The following LBX2 variants were observed in gnomAD, a reference collection of about 807,000 sequenced individuals.
The protein encoded by LBX2 is ladybird homeobox 2.
In LBX2, 6 loss-of-function variants were observed where a neutral mutation model predicts 7.5. The ratio of observed to expected loss-of-function variants is 0.80; its 90% CI spans 0.44 to 1.59. The LOEUF is 1.59. LBX2 is among the 40% of genes most tolerant of loss of function. The pLI, the probability that LBX2 is intolerant of heterozygous loss-of-function variation, is 0.01. For missense variants in LBX2, 281 were observed against 282.0 expected (o/e 1.00, Z 0.03); for synonymous variants, 143 against 133.2 (o/e 1.07, Z -0.51).
Position 74,499,466 on chromosome 2 carries a change from C to T in LBX2, c.72G>A (p.Met24Ile), listed in dbSNP as rs1157062672. 2 of 1,550,522 alleles carry T rather than the reference C, an allele frequency of 1.3e-6. No homozygotes were observed. Among genetic ancestry groups the T allele is most frequent in the Admixed American group, 2.0e-5 (1 of 51,004 alleles). Residue 24 changes from methionine to isoleucine, a missense_variant, in exon 1 of 2, where the codon ATG becomes ATA. Coordinates refer to ENST00000377566, the MANE Select transcript of LBX2 (RefSeq NM_001282430.2). This position sits in a 1 kb window ranked among gnomAD's most constrained non-coding sequence, Gnocchi z 4.6. ...LSIADILAPR[M>I]VPRAPSAPQL... ...GCGGCGCAGAGGGTGCTCGGGGGAC[C>T]ATGCGCGGGGCTAGGATGTCTGCGA...
At position 74,499,354 on chromosome 2, in the gene LBX2, G is replaced by A; in HGVS notation, c.184C>T (p.Arg62Cys). Residue 62 changes from arginine (R) to cysteine (C), a missense_variant, in exon 1 of 2, where the codon CGC becomes TGC. By Grantham distance (180) the Arg-to-Cys change is radical. Around this residue, in one of 3 missense-constraint regions of LBX2, gnomAD observed 216 missense variants for 208.7 expected, o/e 1.03. Coordinates refer to ENST00000377566, the MANE Select transcript of LBX2 (RefSeq NM_001282430.2). The surrounding 1 kb of genome is among the most constrained non-coding windows in gnomAD (Gnocchi z 4.6). ...ATACCTTCAGAGGGCTGCAGAGCGC[G>A]CGCGTCAAGTCCGCGGAAAGTTTTA... ...TSKTFRGLDA[R>C]ALQPSEGRAG... 6.4e-7 allele frequency: 1 copy of A among 1,550,604 alleles called. No individual in the cohort carries two copies. Among genetic ancestry groups the A allele is most frequent in the African/African-American group, 1.4e-5 (1 of 73,182 alleles).
At position 74,499,539 on chromosome 2, in the gene LBX2, G is replaced by A; in HGVS notation, c.-2C>T. 2 of 1,547,302 alleles carry A rather than the reference G, an allele frequency of 1.3e-6. No individual in the cohort carries two copies. Among genetic ancestry groups the A allele is most frequent in the Non-Finnish European group, 8.7e-7 (1 of 1,145,332 alleles). On this transcript the variant is annotated 5_prime_UTR_variant, in exon 1 of 2. Transcript: ENST00000377566. The surrounding 1 kb of genome is among the most constrained non-coding windows in gnomAD (Gnocchi z 4.6). ...TCGGGGCTCGCGTCCCGAGTTCATG[G>A]TCGGCCGGGCTGGGGCGGTCCGGCT...
chr2:74,502,702 C>G, upstream of LBX2: 2 of 1,614,184 alleles, frequency 1.2e-6, no homozygotes, highest in Non-Finnish European at 1.7e-6. The surrounding 1 kb of genome is among the most constrained non-coding windows in gnomAD (Gnocchi z 5.4). Flanking sequence ...GTTTTCCGCC[C>G]TGGACGCTGT....
chr2:74,502,566 G>A, upstream of LBX2: 1 of 1,200,022 alleles, frequency 8.3e-7, no homozygotes. The surrounding 1 kb of genome is among the most constrained non-coding windows in gnomAD (Gnocchi z 5.4). Flanking sequence ...GGAGGAGCGT[G>A]AGGCGGGGCT....
At chr2:74,499,646 G>A (rs994625200), upstream of LBX2, 77 of 1,224,018 alleles carry the variant, frequency 6.3e-5, no homozygotes, top group Non-Finnish European at 7.7e-5. The surrounding 1 kb of genome is among the most constrained non-coding windows in gnomAD (Gnocchi z 4.6). Flanking sequence ...ACCCGCCCCC[G>A]GCTCTGGGCC....
upstream of LBX2, chr2:74,502,675 C>G (rs773257709): frequency 1.2e-6 from 2 of 1,613,944 alleles, no homozygotes; most frequent in South Asian, 2.2e-5. This position sits in a 1 kb window ranked among gnomAD's most constrained non-coding sequence, Gnocchi z 5.4. Context: ...ACTTTGGGGG[C>G]GGCAGGCCTG....
upstream of LBX2, chr2:74,502,310 C>T: frequency 3.5e-6 from 1 of 282,244 alleles, no homozygotes; most frequent in Non-Finnish European, 6.7e-6. This position sits in a 1 kb window ranked among gnomAD's most constrained non-coding sequence, Gnocchi z 5.4. Flanking sequence ...CCCGCTCGAC[C>T]CCGTTCCCCA....
chr2:74,498,560 C>G, intron 1 of LBX2: 1 of 535,906 alleles, frequency 1.9e-6, no homozygotes, highest in Non-Finnish European at 3.3e-6. Context: ...ATTGTAGGGG[C>G]AAGGAAGTGA....
upstream of LBX2, chr2:74,502,899 C>T (rs763724604): frequency 2.4e-5 from 37 of 1,534,960 alleles, no homozygotes; most frequent in South Asian, 3.5e-5. This position sits in a 1 kb window ranked among gnomAD's most constrained non-coding sequence, Gnocchi z 5.4. Flanking sequence ...GAGAGGGACC[C>T]GTCCTCCTCT....
At position 74,499,373 on chromosome 2, in the gene LBX2, A is replaced by C; in HGVS notation, c.165T>G (p.Thr55=). The change falls in exon 1 of 2, where the codon ACT becomes ACG. Residue 55 remains threonine, a synonymous_variant. Transcript: ENST00000377566. The surrounding 1 kb of genome is among the most constrained non-coding windows in gnomAD (Gnocchi z 4.6). ...GAGCGCGCGCGTCAAGTCCGCGGAA[A>C]GTTTTACTAGTCAGCTCCTCCAGCG... ...LCALEELTSK[T]FRGLDARALQ... is the part of the protein sequence containing the mutation. 6.4e-7 allele frequency: 1 copy of C among 1,550,612 alleles called. No individual in the cohort carries two copies. The highest frequency in any genetic ancestry group is 8.7e-7 in the Non-Finnish European group (1 of 1,147,000).
At position 74,499,498 on chromosome 2, in the gene LBX2, A is replaced by G; in HGVS notation, c.40T>C (p.Leu14=). ...GGGGCTAGGATGTCTGCGATGCTTA[A>G]GAGTGTCCGGGGTGTTCGGGGCTCG... ...GREPRTPRTL[L]SIADILAPRM... Residue 14 remains leucine (L), a synonymous_variant, in exon 1 of 2, where the codon TTA becomes CTA. Transcript: ENST00000377566. This position sits in a 1 kb window ranked among gnomAD's most constrained non-coding sequence, Gnocchi z 4.6. The G allele has an allele frequency of 6.5e-7, 1 of 1,550,262 alleles. No individual in the cohort carries two copies.
chr2:74,499,526 T>A lies in LBX2; in HGVS notation c.12A>T (p.Gly4=). The change falls in exon 1 of 2, where the codon GGA becomes GGT. Residue 4 remains glycine (G), a synonymous_variant. Coordinates refer to ENST00000377566, the MANE Select transcript of LBX2 (RefSeq NM_001282430.2). The surrounding 1 kb of genome is among the most constrained non-coding windows in gnomAD (Gnocchi z 4.6). Reference sequence around the variant, plus strand: ...GTGTCCGGGGTGTTCGGGGCTCGCGTCCCGAGTTCATGGTCGGCCGGGCTG... The same window carrying A: ...GTGTCCGGGGTGTTCGGGGCTCGCGACCCGAGTTCATGGTCGGCCGGGCTG... MNS[G]REPRTPRTLL... is the part of the protein sequence containing the mutation. 3 of 1,548,220 alleles carry A rather than the reference T, an allele frequency of 1.9e-6. No homozygotes were observed. Among genetic ancestry groups the A allele is most frequent in the Non-Finnish European group, 1.7e-6 (2 of 1,145,746 alleles).
upstream of LBX2, chr2:74,502,727 T>G: frequency 6.2e-7 from 1 of 1,614,074 alleles, no homozygotes; most frequent in Middle Eastern, 1.6e-4. This position sits in a 1 kb window ranked among gnomAD's most constrained non-coding sequence, Gnocchi z 5.4. Flanking sequence ...CAAAGATCTC[T>G]GCGCGCCCAC....
At position 74,497,723 on chromosome 2, in the gene LBX2, A is replaced by C; in HGVS notation, c.*204T>G. On this transcript the variant is annotated 3_prime_UTR_variant, in exon 2 of 2. Transcript: ENST00000377566. ...CAGTGAGCGGTGATCGCTCCACGGC[A>C]CTCCAGCCTGGGCGACAGAGCGAGG... 1 of 575,664 alleles carries C rather than the reference A, an allele frequency of 1.7e-6. No homozygotes were observed. The highest frequency in any genetic ancestry group is 2.9e-6 in the Non-Finnish European group (1 of 344,228). The allele number at this position is 575,664 out of a possible 1,614,324, so 35.7% of individuals were successfully genotyped here. A position where few individuals can be genotyped will look rare whatever the true frequency, so the allele number is the denominator to read the frequency against.
upstream of LBX2, chr2:74,502,653 CT>C: frequency 6.2e-7 from 1 of 1,613,466 alleles, no homozygotes; most frequent in South Asian, 1.1e-5. The surrounding 1 kb of genome is among the most constrained non-coding windows in gnomAD (Gnocchi z 5.4). Flanking sequence ...GTCCTTATAT[CT>C]TAGTTTCGTG....
chr2:74,500,071 C>G (rs1432494408), upstream of LBX2, among the ~76,000 whole-genome samples: 1 of 152,218 alleles, frequency 6.6e-6, no homozygotes, highest in Admixed American at 6.5e-5. Flanking sequence ...CACCCCACCC[C>G]TGAGAAACGT....
At position 74,499,193 on chromosome 2, in the gene LBX2, G is replaced by T; in HGVS notation, c.205+140C>A. 1.3e-6 allele frequency: 1 copy of T among 749,720 alleles called. No individual in the cohort carries two copies. The allele number at this position is 749,720 out of a possible 1,614,324, so 46.4% of individuals were successfully genotyped here. On this transcript the variant is annotated intron_variant, in intron 1 of 1. Transcript: ENST00000377566. The surrounding 1 kb of genome is among the most constrained non-coding windows in gnomAD (Gnocchi z 4.6). ...AGGAGAGGTGAGAAGTCGCAGGTGCGAGTCCTGGCACGTGGGCTGAGGACA... is the reference window on the plus strand; with the variant it reads ...AGGAGAGGTGAGAAGTCGCAGGTGCTAGTCCTGGCACGTGGGCTGAGGACA...
upstream of LBX2, among the ~76,000 whole-genome samples, chr2:74,501,085 T>C (rs902143379): frequency 6.6e-6 from 1 of 152,126 alleles, no homozygotes; most frequent in African/African-American, 2.4e-5. Context: ...GGCACCTTGA[T>C]AGGGTCTTCT....
upstream of LBX2, among the ~76,000 whole-genome samples, chr2:74,500,728 G>T (rs1343873265): frequency 6.6e-6 from 1 of 152,218 alleles, no homozygotes; most frequent in Non-Finnish European, 1.5e-5. Flanking sequence ...TTGAGGCCCA[G>T]CAGGGTATGG....
Sources: allele counts gnomAD v4.1 joint callset (sites outside exome capture counted in the v4.1 genomes callset), GRCh38; gene constraint gnomAD v4.1.1; regional missense constraint gnomAD v4.1.1; non-coding constraint Gnocchi (gnomAD v3.1); transcripts MANE v1.5; gene names NCBI Gene and HGNC (gene_info 2026-07-23, HGNC 2026-07-21).